The following CYYR1 variants were observed in gnomAD, a reference collection of about 807,000 sequenced individuals.
The protein encoded by CYYR1 is cysteine and tyrosine rich 1, also known as cysteine and tyrosine-rich protein 1.
In CYYR1, 14 loss-of-function variants were observed where a neutral mutation model predicts 15.2. That is an observed-to-expected ratio of 0.92 (90% CI 0.61 to 1.44). The LOEUF is 1.44. Among genes scored for constraint, CYYR1 ranks in the 40% most tolerant of loss-of-function variants. The pLI is 0.00. For synonymous variants in CYYR1, 80 were observed against 77.4 expected (o/e 1.03, Z -0.18); for missense variants, 228 against 209.5 (o/e 1.09, Z -0.54).
chr21:26,537,940 G>C (rs924401986), intron 2 of CYYR1, among the ~76,000 whole-genome samples: 1 of 152,170 alleles, frequency 6.6e-6, no homozygotes, highest in Admixed American at 6.5e-5. Context: ...CCCATGCCTT[G>C]ATCTTGGACT....
chr21:26,556,606 A>G (rs1184371307), intron 2 of CYYR1, among the ~76,000 whole-genome samples: 4 of 152,084 alleles, frequency 2.6e-5, no homozygotes, highest in Non-Finnish European at 5.9e-5. Flanking sequence ...CAGACGGTGA[A>G]GGGGAATCAG....
intron 2 of CYYR1, among the ~76,000 whole-genome samples, chr21:26,521,733 A>G (rs1278976546): frequency 6.6e-6 from 1 of 152,184 alleles, no homozygotes; most frequent in Non-Finnish European, 1.5e-5. Context: ...ACCCACCCAT[A>G]GGTTACTCAT....
chr21:26,476,006 A>G (rs1377540509), intron 3 of CYYR1, among the ~76,000 whole-genome samples: 2 of 152,180 alleles, frequency 1.3e-5, no homozygotes, highest in Non-Finnish European at 2.9e-5. Context: ...TTTCTTTAGT[A>G]TGAACATGAG....
intron 2 of CYYR1, among the ~76,000 whole-genome samples, chr21:26,514,003 T>G (rs2065686696): frequency 6.6e-6 from 1 of 151,626 alleles, no homozygotes; most frequent in South Asian, 2.1e-4. Context: ...ACATGGCACA[T>G]GTATACATAT....
At chr21:26,507,112 G>A (rs141267230) in intron 2 of CYYR1, among the ~76,000 whole-genome samples, 214 of 152,162 alleles carry the variant, frequency 1.4e-3, no homozygotes, top group African/African-American at 4.6e-3. Context: ...TTTTATTTTC[G>A]ACTTTAAAAT....
chr21:26,531,924 C>T (rs979352423), intron 2 of CYYR1, among the ~76,000 whole-genome samples: 6 of 152,034 alleles, frequency 3.9e-5, no homozygotes, highest in African/African-American at 9.7e-5. Flanking sequence ...CATACTGTTG[C>T]CAATGCTTGA....
intron 2 of CYYR1, among the ~76,000 whole-genome samples, chr21:26,532,163 C>T (rs1358896323): frequency 6.6e-6 from 1 of 152,080 alleles, no homozygotes; most frequent in Admixed American, 6.6e-5. Context: ...TTTTTAATAT[C>T]AATAATGAGG....
At chr21:26,530,098 T>G (rs1303471458) in intron 2 of CYYR1, among the ~76,000 whole-genome samples, 1 of 152,168 alleles carries the variant, frequency 6.6e-6, no homozygotes, top group Non-Finnish European at 1.5e-5. Flanking sequence ...ACCTAAGCTG[T>G]ATGACTTTGG....
chr21:26,542,454 A>G (rs1313952332), intron 2 of CYYR1, among the ~76,000 whole-genome samples: 16 of 152,208 alleles, frequency 1.1e-4, no homozygotes, highest in Non-Finnish European at 7.3e-5. Flanking sequence ...GATGAAATTC[A>G]ACCTCCATTC....
chr21:26,468,215 T>G lies in CYYR1; in HGVS notation c.*286A>C. 2.5e-6 allele frequency: 1 copy of G among 399,130 alleles called. No homozygotes were observed. The highest frequency in any genetic ancestry group is 4.7e-6 in the Non-Finnish European group (1 of 212,226). 24.7% of individuals were successfully genotyped at this position (399,130 alleles called of 1,614,324 possible). On this transcript the variant is annotated 3_prime_UTR_variant, in exon 4 of 4. Transcript: ENST00000652641. ...TTCACCTAGCCCTTAAACAACATGA[T>G]TATCAGATATTTTGTCAATTACATT... is the stretch of plus-strand genomic sequence containing the variant.
At chr21:26,515,017 A>G (rs571618157) in intron 2 of CYYR1, among the ~76,000 whole-genome samples, 1 of 152,372 alleles carries the variant, frequency 6.6e-6, no homozygotes, top group South Asian at 2.1e-4. Context: ...GCATGATAGT[A>G]CTATCTTTTC....
intron 2 of CYYR1, among the ~76,000 whole-genome samples, chr21:26,564,144 A>G (rs935781199): frequency 1.3e-5 from 2 of 152,064 alleles, no homozygotes; most frequent in Non-Finnish European, 2.9e-5. Flanking sequence ...TTCTGGAATT[A>G]ATTTTTTTCC....
At chr21:26,476,474 C>T (rs1334698482) in intron 3 of CYYR1, among the ~76,000 whole-genome samples, 2 of 152,060 alleles carry the variant, frequency 1.3e-5, no homozygotes, top group African/African-American at 2.4e-5. Flanking sequence ...GTATGATGGT[C>T]TTAAAACAAT....
intron 3 of CYYR1, chr21:26,478,130 C>T (rs2077230940): frequency 1.9e-6 from 3 of 1,549,250 alleles, no homozygotes; most frequent in African/African-American, 2.7e-5. Context: ...TCATGGAGTT[C>T]ATATTCTAGG....
intron 2 of CYYR1, among the ~76,000 whole-genome samples, chr21:26,488,915 A>T (rs2065289411): frequency 6.6e-6 from 1 of 152,172 alleles, no homozygotes; most frequent in South Asian, 2.1e-4. Context: ...AAAAAAAATT[A>T]TTAAAGTCTC....
intron 2 of CYYR1, among the ~76,000 whole-genome samples, chr21:26,544,515 T>G (rs535658462): frequency 6.6e-6 from 1 of 152,334 alleles, no homozygotes; most frequent in East Asian, 1.9e-4. Flanking sequence ...ATTAGCTAAA[T>G]GTCTACCATA....
intron 2 of CYYR1, among the ~76,000 whole-genome samples, chr21:26,488,368 C>T (rs1031255821): frequency 3.3e-5 from 5 of 151,910 alleles, no homozygotes; most frequent in African/African-American, 1.2e-4. Context: ...GATTCTCCCA[C>T]CTCAGCCTCC....
intron 2 of CYYR1, among the ~76,000 whole-genome samples, chr21:26,557,860 T>A (rs1979907541): frequency 6.6e-6 from 1 of 152,168 alleles, no homozygotes; most frequent in African/African-American, 2.4e-5. Flanking sequence ...AAAGTAGAAT[T>A]CATTCCCGTT....
chr21:26,563,372 C>T (rs2123723295), intron 2 of CYYR1, among the ~76,000 whole-genome samples: 1 of 151,938 alleles, frequency 6.6e-6, no homozygotes, highest in African/African-American at 2.4e-5. Context: ...AGGAGTCCAA[C>T]ACCAGCCTGG....
Sources: allele counts gnomAD v4.1 joint callset (sites outside exome capture counted in the v4.1 genomes callset), GRCh38; gene constraint gnomAD v4.1.1; transcripts MANE v1.5; gene names NCBI Gene and HGNC (gene_info 2026-07-23, HGNC 2026-07-21).